The following BEND3 variants were observed in gnomAD, a reference collection of about 807,000 sequenced individuals.
The protein encoded by BEND3 is BEN domain containing 3.
A neutral mutation model predicts 60.1 loss-of-function variants in BEND3; 13 were observed. That is an observed-to-expected ratio of 0.22 (90% confidence interval 0.14 to 0.34). The LOEUF (loss-of-function observed/expected upper bound fraction) is 0.34. Ranked by LOEUF, BEND3 falls within the 10% of genes least tolerant of loss-of-function variation. BEND3 has a pLI of 1.00. For missense variants in BEND3, 896 were observed against 1,138.1 expected (o/e 0.79, Z 3.06); for synonymous variants, 497 against 491.5 (o/e 1.01, Z -0.15).
At chr6:107,103,425 C>T (rs1412238251) in intron 1 of BEND3, among the ~76,000 whole-genome samples, 1 of 152,190 alleles carries the variant, frequency 6.6e-6, no homozygotes, top group Non-Finnish European at 1.5e-5. Context: ...CCAACCACCA[C>T]AGCACCCACC....
intron 3 of BEND3, among the ~76,000 whole-genome samples, chr6:107,090,108 G>A (rs1775443388): frequency 6.6e-6 from 1 of 152,064 alleles, no homozygotes; most frequent in African/African-American, 2.4e-5. Context: ...CAGCACTTTG[G>A]GAGGCCAAGG....
rs1022515042 is a variant in BEND3, at chr6:107,113,457, A to C, written c.-12+1633T>G. On this transcript the variant is annotated intron_variant, in intron 1 of 3. Coordinates refer to ENST00000369042, the MANE Select transcript of BEND3 (RefSeq NM_001367314.1). Reference sequence around the variant, plus strand: ...CGTCTCAAAAAAAAAAAAAAAACAAAAAAAAAACTCATGTTCCATGACAGG... The same window carrying C: ...CGTCTCAAAAAAAAAAAAAAAACAACAAAAAAACTCATGTTCCATGACAGG... Among the ~76,000 whole-genome samples, 16 of 147,382 alleles carry C rather than the reference A, an allele frequency of 1.1e-4. No homozygotes were observed. The East Asian group carries it at 1.8e-3, about 16-fold the overall frequency.
chr6:107,102,727 G>A (rs1044296885), intron 1 of BEND3, among the ~76,000 whole-genome samples: 6 of 152,156 alleles, frequency 3.9e-5, no homozygotes, highest in South Asian at 2.1e-4. Flanking sequence ...TGGAAACCTC[G>A]CGCCTGCCCC....
intron 1 of BEND3, among the ~76,000 whole-genome samples, chr6:107,105,099 G>A (rs988396721): frequency 3.9e-5 from 6 of 152,072 alleles, no homozygotes; most frequent in Non-Finnish European, 7.4e-5. Flanking sequence ...TTGGCTGGGC[G>A]CAGTGGCTCA....
chr6:107,111,697 C>A (rs1770094488), intron 1 of BEND3, among the ~76,000 whole-genome samples: 1 of 152,150 alleles, frequency 6.6e-6, no homozygotes, highest in South Asian at 2.1e-4. Context: ...AAATTAAGCA[C>A]CAGGCCAGGC....
intron 3 of BEND3, among the ~76,000 whole-genome samples, chr6:107,084,584 T>C (rs1361914643): frequency 6.6e-6 from 1 of 150,994 alleles, no homozygotes; most frequent in African/African-American, 2.4e-5. Context: ...CAATCAGCAC[T>C]CTGTGTCTAG....
chr6:107,091,106 T>G (rs1317997965), intron 3 of BEND3, among the ~76,000 whole-genome samples: 1 of 146,728 alleles, frequency 6.8e-6, no homozygotes, highest in Non-Finnish European at 1.5e-5. Context: ...TGATACTCCA[T>G]CTCGAAAAAA....
In BEND3 at chr6:107,069,844, C is replaced by T. The variant is rs1554231618; in HGVS notation, c.1347G>A (p.Gln449=). The T allele has an allele frequency of 6.2e-7, 1 of 1,613,454 alleles. No homozygotes were observed. Among genetic ancestry groups the T allele is most frequent in the African/African-American group, 1.3e-5 (1 of 74,938 alleles). The part of the protein sequence containing the change: ...GKQELDPQRL[Q]IIRNYTEIYF... ...AGATCTCCGTGTAGTTGCGGATGAT[C>T]TGCAGCCGCTGCGGGTCCAGCTCCT... The change falls in exon 4 of 4, where the codon CAG becomes CAA. Residue 449 remains glutamine (Q), a synonymous_variant. Transcript: ENST00000369042.
At chr6:107,109,502 C>T (rs1775895953) in intron 1 of BEND3, among the ~76,000 whole-genome samples, 1 of 148,488 alleles carries the variant, frequency 6.7e-6, no homozygotes, top group Non-Finnish European at 1.5e-5. Flanking sequence ...TAATCTCAGC[C>T]AAAGACAGGT....
At chr6:107,094,540 G>T (rs911870471) in intron 3 of BEND3, among the ~76,000 whole-genome samples, 7 of 151,794 alleles carry the variant, frequency 4.6e-5, no homozygotes, top group African/African-American at 1.7e-4. Flanking sequence ...AGAATCGCTT[G>T]AACCCAGCAG....
intron 1 of BEND3, among the ~76,000 whole-genome samples, chr6:107,108,732 T>C (rs1285489406): frequency 6.6e-6 from 1 of 152,174 alleles, no homozygotes; most frequent in African/African-American, 2.4e-5. Context: ...TGCAACTGTG[T>C]TTCACTAGTC....
intron 1 of BEND3, among the ~76,000 whole-genome samples, chr6:107,100,971 G>C (rs973782910): frequency 1.3e-5 from 2 of 152,162 alleles, no homozygotes; most frequent in Non-Finnish European, 2.9e-5. Context: ...GGAGGCTGGG[G>C]TGGGCGAATC....
Position 107,095,482 on chromosome 6 carries a change from C to G in BEND3, c.240+3069G>C, listed in dbSNP as rs188908895. ...TTAGTGGGACTGTAAAATGGTCCAG[C>G]CACTTTGGAAGGCAGTTTGGTAGTT... On this transcript the variant is annotated intron_variant, in intron 3 of 3. Coordinates refer to ENST00000369042, the MANE Select transcript of BEND3 (RefSeq NM_001367314.1). Among the ~76,000 whole-genome samples the G allele has an allele frequency of 8.5e-5, 13 of 152,248 alleles. No homozygotes were observed. The East Asian group carries it at 2.3e-3, about 27-fold the overall frequency.
Position 107,065,732 on chromosome 6 carries a change from C to T in BEND3, c.*2972G>A, listed in dbSNP as rs1774813108. On this transcript the variant is annotated 3_prime_UTR_variant, in exon 4 of 4. Coordinates refer to ENST00000369042, the MANE Select transcript of BEND3 (RefSeq NM_001367314.1). ...AACTTTTACCAATTAAATAGCCAAT[C>T]TATTCACCACTAAGTAGATCCCATT... The T allele has an allele frequency of 6.6e-6, 1 of 152,208 alleles. No individual in the cohort carries two copies. The highest frequency in any genetic ancestry group is 6.5e-5 in the Admixed American group (1 of 15,270). 9.4% of individuals were successfully genotyped at this position (152,208 alleles called of 1,614,324 possible).
rs1775659295 is a variant in BEND3, at chr6:107,099,406, G to C, written c.-11-110C>G. On this transcript the variant is annotated intron_variant, in intron 1 of 3. Transcript: ENST00000369042. Reference sequence around the variant, plus strand: ...CTCCCAACCCCAGCTCTAGGTAACAGAGCAGCACAGCACTGTGGAAGCTAT... The same window carrying C: ...CTCCCAACCCCAGCTCTAGGTAACACAGCAGCACAGCACTGTGGAAGCTAT... The C allele has an allele frequency of 5.7e-6, 5 of 884,384 alleles. 1 individual carries two copies. The highest frequency in any genetic ancestry group is 3.3e-5 in the African/African-American group (2 of 60,794). 54.8% of individuals were successfully genotyped at this position (884,384 alleles called of 1,614,324 possible). A position where few individuals can be genotyped will look rare whatever the true frequency, so the allele number is the denominator to read the frequency against.
chr6:107,077,383 G>A (rs1466673563), intron 3 of BEND3, among the ~76,000 whole-genome samples: 1 of 152,044 alleles, frequency 6.6e-6, no homozygotes, highest in Non-Finnish European at 1.5e-5. Context: ...CTCTGTTTCT[G>A]ACCTGAGCCG....
chr6:107,080,354 C>CAAAAAAAAAA (rs11402351), intron 3 of BEND3, among the ~76,000 whole-genome samples: 40 of 83,224 alleles, frequency 4.8e-4, no homozygotes, highest in African/African-American at 8.5e-4. Flanking sequence ...GATCCCATCT[C>CAAAAAAAAAA]AAAAAAAAAA....
chr6:107,112,550 TATC>T lies in BEND3; in HGVS notation c.-12+2537_-12+2539del, dbSNP rs1185763617. ...TTCAGCAAGAAGATGGCATCTCTGG[TATC>T]AACAACAACAAAAAAAAACGCTGGG... On this transcript the variant is annotated intron_variant, in intron 1 of 3. Coordinates refer to ENST00000369042, the MANE Select transcript of BEND3 (RefSeq NM_001367314.1). Among the ~76,000 whole-genome samples the T allele has an allele frequency of 5.9e-5, 9 of 151,634 alleles. No homozygotes were observed. The East Asian group carries it at 9.7e-4, about 16-fold the overall frequency.
intron 3 of BEND3, among the ~76,000 whole-genome samples, chr6:107,085,621 A>G (rs1347401393): frequency 1.3e-5 from 2 of 150,598 alleles, no homozygotes; most frequent in African/African-American, 4.9e-5. Context: ...CCTCCTGAGT[A>G]GCTGGGACTA....
Sources: gnomAD v4.1 joint callset for allele counts (sites outside exome capture counted in the v4.1 genomes callset) on GRCh38, gnomAD v4.1.1 for gene constraint, MANE v1.5 for transcripts, NCBI Gene and HGNC (gene_info 2026-07-23, HGNC 2026-07-21) for gene names.